Variants in KIAA1549 observed in about 807,000 individuals in gnomAD.
KIAA1549 encodes KIAA1549.
A neutral mutation model predicts 156.4 loss-of-function variants in KIAA1549; 70 were observed. That is an observed-to-expected ratio of 0.45 (90% CI 0.37 to 0.55). KIAA1549 has a LOEUF of 0.55. Among genes scored for constraint, KIAA1549 ranks in the 20% least tolerant of loss-of-function variants. The pLI is 0.00. For missense variants in KIAA1549, 2,428 were observed against 2,540.9 expected (o/e 0.96, Z 0.96); for synonymous variants, 1,103 against 1,066.4 (o/e 1.03, Z -0.67).
Position 138,897,825 on chromosome 7 carries a change from T to C in KIAA1549, c.3847+1130A>G, listed in dbSNP as rs186859521. Among the ~76,000 whole-genome samples, 833 of 133,582 alleles carry C rather than the reference T, an allele frequency of 6.2e-3. 13 individuals carry two copies. The highest frequency in any genetic ancestry group is 0.022 in the African/African-American group (780 of 34,750). The allele number at this position is 133,582 out of a possible 152,430, so 87.6% of individuals were successfully genotyped here. A position where few individuals can be genotyped will look rare whatever the true frequency, so the allele number is the denominator to read the frequency against. On this transcript the variant is annotated intron_variant, in intron 9 of 19. Coordinates refer to ENST00000422774, the MANE Select transcript of KIAA1549 (RefSeq NM_001164665.2). Reference sequence around the variant, plus strand: ...GGAGGATCACCTGAGCCCAGGAGTTTGAGGCTGCAGTGAGCTACGATCAAG... The same window carrying C: ...GGAGGATCACCTGAGCCCAGGAGTTCGAGGCTGCAGTGAGCTACGATCAAG...
intron 6 of KIAA1549, 23 bp from the exon 7 acceptor site, chr7:138,905,104 G>A: frequency 1.3e-6 from 2 of 1,516,020 alleles, no homozygotes; most frequent in East Asian, 2.4e-5. Flanking sequence ...AAGAATTAGG[G>A]AAGGAGAAAA....
chr7:138,854,915 C>G (rs1810340273), intron 16 of KIAA1549, among the ~76,000 whole-genome samples: 2 of 152,136 alleles, frequency 1.3e-5, no homozygotes, highest in Non-Finnish European at 2.9e-5. Flanking sequence ...AATTCATCAG[C>G]AGAAACCAAA....
intron 1 of KIAA1549, among the ~76,000 whole-genome samples, chr7:138,930,977 T>G (rs1438063561): frequency 6.6e-6 from 1 of 152,182 alleles, no homozygotes; most frequent in Non-Finnish European, 1.5e-5. Context: ...ACTTGAGCAC[T>G]TAGAGGCCAC....
At chr7:138,920,648 A>T (rs1812540804) in intron 1 of KIAA1549, among the ~76,000 whole-genome samples, 1 of 152,170 alleles carries the variant, frequency 6.6e-6, no homozygotes, top group South Asian at 2.1e-4. Context: ...CCTAGAGAAA[A>T]AGGACAAGTG....
At chr7:138,868,524 T>G (rs1030557170) in intron 14 of KIAA1549, among the ~76,000 whole-genome samples, 1 of 152,118 alleles carries the variant, frequency 6.6e-6, no homozygotes, top group South Asian at 2.1e-4. Flanking sequence ...ACTTCCCAGG[T>G]TGAAACAATT....
intron 6 of KIAA1549, among the ~76,000 whole-genome samples, chr7:138,906,215 T>A (rs997503862): frequency 2.0e-5 from 3 of 152,244 alleles, no homozygotes; most frequent in Non-Finnish European, 4.4e-5. Flanking sequence ...GAAAATACTC[T>A]GTATGATACT....
At chr7:138,851,835 T>C (rs1177370808) in intron 17 of KIAA1549, among the ~76,000 whole-genome samples, 1 of 152,236 alleles carries the variant, frequency 6.6e-6, no homozygotes, top group Non-Finnish European at 1.5e-5. Context: ...AGGCTTTGCC[T>C]GGCTTCCTAG....
chr7:138,943,365 G>GT (rs1813240776), intron 1 of KIAA1549, among the ~76,000 whole-genome samples: 3 of 152,226 alleles, frequency 2.0e-5, no homozygotes, highest in Non-Finnish European at 4.4e-5. Context: ...AGCGCCGGCA[G>GT]TCTCAGTCAC....
intron 10 of KIAA1549, among the ~76,000 whole-genome samples, chr7:138,889,568 A>G (rs750209499): frequency 1.3e-5 from 2 of 152,240 alleles, no homozygotes; most frequent in Non-Finnish European, 2.9e-5. Context: ...GACCAGATGA[A>G]TTTCAAAACG....
chr7:138,979,603 C>G (rs1814483103), intron 1 of KIAA1549, among the ~76,000 whole-genome samples: 1 of 152,192 alleles, frequency 6.6e-6, no homozygotes, highest in African/African-American at 2.4e-5. Flanking sequence ...GATGAATCCA[C>G]GAGTATCAGA....
intron 10 of KIAA1549, among the ~76,000 whole-genome samples, chr7:138,892,849 A>C (rs1219563170): frequency 6.6e-6 from 1 of 152,236 alleles, no homozygotes; most frequent in Non-Finnish European, 1.5e-5. Context: ...TAAATAGGGC[A>C]ATCTTTTATT....
At chr7:138,928,593 C>T (rs1812787116) in intron 1 of KIAA1549, among the ~76,000 whole-genome samples, 1 of 152,196 alleles carries the variant, frequency 6.6e-6, no homozygotes, top group Non-Finnish European at 1.5e-5. Flanking sequence ...AGCCTAAAGG[C>T]ATTCTTGATG....
At chr7:138,947,582 A>C (rs544324938) in intron 1 of KIAA1549, among the ~76,000 whole-genome samples, 1 of 152,226 alleles carries the variant, frequency 6.6e-6, no homozygotes, top group East Asian at 1.9e-4. Flanking sequence ...ATCTTACAAA[A>C]CATATACAAT....
At position 138,918,526 on chromosome 7, in the gene KIAA1549, G is replaced by C. The variant is rs1346878118; in HGVS notation, c.1100C>G (p.Ala367Gly). 1.9e-6 allele frequency: 3 copies of C among 1,614,050 alleles called. No individual in the cohort carries two copies. Among genetic ancestry groups the C allele is most frequent in the Non-Finnish European group, 2.5e-6 (3 of 1,179,894 alleles). Residue 367 changes from alanine (A) to glycine (G), a missense_variant, in exon 2 of 20, where the codon GCA becomes GGA. Coordinates refer to ENST00000422774, the MANE Select transcript of KIAA1549 (RefSeq NM_001164665.2). The surrounding 1 kb of genome is among the most constrained non-coding windows in gnomAD (Gnocchi z 4.2). ...THSPLLSTPL[A>G]FASSASPTDV... The stretch of plus-strand genomic sequence containing the variant: ...AGTTGGTGAAGCAGAGGACGCAAAT[G>C]CAAGAGGAGTTGAAAGCAATGGAGA...
chr7:138,914,160 C>T (rs922900247), intron 2 of KIAA1549, among the ~76,000 whole-genome samples: 5 of 152,156 alleles, frequency 3.3e-5, no homozygotes, highest in African/African-American at 1.2e-4. Context: ...CAGCCCCACA[C>T]AGCTAAAGAC....
At chr7:138,890,442 A>G (rs918427967) in intron 10 of KIAA1549, among the ~76,000 whole-genome samples, 21 of 152,256 alleles carry the variant, frequency 1.4e-4, no homozygotes, top group African/African-American at 5.1e-4. Context: ...ACGTCACCAC[A>G]ACCACCATGC....
chr7:138,918,113 C>A lies in KIAA1549; in HGVS notation c.1513G>T (p.Val505Phe). The A allele has an allele frequency of 6.2e-7, 1 of 1,613,974 alleles. No homozygotes were observed. The highest frequency in any genetic ancestry group is 1.7e-5 in the Admixed American group (1 of 60,004). Residue 505 changes from valine (V) to phenylalanine (F), a missense_variant, in exon 2 of 20, where the codon GTT becomes TTT. Val to Phe is a conservative substitution (Grantham distance 50, BLOSUM62 -1). This residue lies in a region of KIAA1549 where 893 missense variants were observed against 847.9 expected (regional missense o/e 1.05). Coordinates refer to ENST00000422774, the MANE Select transcript of KIAA1549 (RefSeq NM_001164665.2). This position sits in a 1 kb window ranked among gnomAD's most constrained non-coding sequence, Gnocchi z 4.2. Reference sequence around the variant, plus strand: ...ATATCCACCTCGGCAGAAATGCCAACACTCGTCTCTGAGATTTCCATGGAT... The same window carrying A: ...ATATCCACCTCGGCAGAAATGCCAAAACTCGTCTCTGAGATTTCCATGGAT... Reference protein sequence around the residue: ...SRSMEISETSVGISAEVDMSS... With the variant: ...SRSMEISETSFGISAEVDMSS...
intron 1 of KIAA1549, among the ~76,000 whole-genome samples, chr7:138,936,708 A>G (rs139464282): frequency 3.3e-5 from 5 of 152,068 alleles, no homozygotes; most frequent in African/African-American, 1.2e-4. Flanking sequence ...GTGTCACTAG[A>G]GAACTAGAGA....
chr7:138,977,889 G>A (rs573965430), intron 1 of KIAA1549, among the ~76,000 whole-genome samples: 2 of 152,024 alleles, frequency 1.3e-5, no homozygotes, highest in Admixed American at 6.6e-5. Flanking sequence ...TAGTAGAGAC[G>A]GGGTTTCACC....
Sources: gnomAD v4.1 joint callset for allele counts (sites outside exome capture counted in the v4.1 genomes callset) on GRCh38, gnomAD v4.1.1 for gene constraint, gnomAD v4.1.1 regional missense constraint, Gnocchi (gnomAD v3.1) non-coding constraint, MANE v1.5 for transcripts, NCBI Gene and HGNC (gene_info 2026-07-23, HGNC 2026-07-21) for gene names.